The following LDB2 variants were observed in gnomAD, a reference collection of about 807,000 sequenced individuals.
LDB2 encodes LIM domain-binding protein 2.
In LDB2, 12 loss-of-function variants were observed where a neutral mutation model predicts 44.3. The observed-to-expected ratio is 0.27, with a 90% CI of 0.17 to 0.44. The LOEUF (loss-of-function observed/expected upper bound fraction) is 0.44. LDB2 is among the 20% of genes least tolerant of loss of function. LDB2 has a pLI of 1.00. For missense variants in LDB2, 344 were observed against 473.5 expected (o/e 0.73, Z 2.54); for synonymous variants, 164 against 174.8 (o/e 0.94, Z 0.49).
At chr4:16,521,731 A>G (rs999074644) in intron 5 of LDB2, among the ~76,000 whole-genome samples, 2 of 152,120 alleles carry the variant, frequency 1.3e-5, no homozygotes, top group Non-Finnish European at 2.9e-5. Context: ...AGGAGTGGCA[A>G]TTGCTAATCT....
intron 2 of LDB2, among the ~76,000 whole-genome samples, chr4:16,610,616 C>T (rs537700328): frequency 5.1e-4 from 78 of 151,724 alleles, no homozygotes; most frequent in African/African-American, 1.8e-3. Flanking sequence ...AGAATATCAG[C>T]TTGGAGACCA....
At chr4:16,591,343 C>A (rs1028138261) in intron 3 of LDB2, among the ~76,000 whole-genome samples, 3 of 152,028 alleles carry the variant, frequency 2.0e-5, no homozygotes, top group Admixed American at 2.0e-4. Flanking sequence ...GGTAACAGAG[C>A]GAGCTAGTTG....
intron 5 of LDB2, among the ~76,000 whole-genome samples, chr4:16,532,015 T>C (rs1730312915): frequency 6.6e-6 from 1 of 151,644 alleles, no homozygotes; most frequent in Admixed American, 6.6e-5. Context: ...TGAGGTTTCA[T>C]TCTAGCTTAG....
At chr4:16,510,814 G>A (rs73798797) in intron 6 of LDB2, among the ~76,000 whole-genome samples, 2,583 of 152,224 alleles carry the variant, frequency 0.017, 71 homozygotes, top group African/African-American at 0.056. Flanking sequence ...CTAGAACCAC[G>A]TCTGGAGCCT....
At chr4:16,539,622 T>A (rs1281871158) in intron 5 of LDB2, among the ~76,000 whole-genome samples, 1 of 152,176 alleles carries the variant, frequency 6.6e-6, no homozygotes, top group Non-Finnish European at 1.5e-5. Context: ...ATAGTTTAGC[T>A]TCCAAGTGAT....
chr4:16,851,775 A>G (rs1788306672), intron 1 of LDB2, among the ~76,000 whole-genome samples: 1 of 152,124 alleles, frequency 6.6e-6, no homozygotes, highest in Non-Finnish European at 1.5e-5. Flanking sequence ...AAGCGAAGAC[A>G]TACAGAGACA....
intron 1 of LDB2, among the ~76,000 whole-genome samples, chr4:16,837,947 A>G (rs1479653705): frequency 6.6e-6 from 1 of 152,260 alleles, no homozygotes; most frequent in African/African-American, 2.4e-5. Flanking sequence ...TGTAAAAAGT[A>G]TAAAACTTGT....
chr4:16,581,503 A>G (rs1246555086), intron 5 of LDB2: 1 of 853,236 alleles, frequency 1.2e-6, no homozygotes, highest in Non-Finnish European at 1.4e-6. Flanking sequence ...TTTTGTTGGT[A>G]CCTAAAACAA....
intron 2 of LDB2, among the ~76,000 whole-genome samples, chr4:16,726,761 G>A (rs1348622680): frequency 1.3e-5 from 2 of 152,170 alleles, no homozygotes; most frequent in Non-Finnish European, 2.9e-5. Context: ...TGGCTGCATA[G>A]GGGGTTTTTG....
intron 1 of LDB2, among the ~76,000 whole-genome samples, chr4:16,774,861 T>G (rs1771554043): frequency 6.6e-6 from 1 of 152,158 alleles, no homozygotes; most frequent in African/African-American, 2.4e-5. Context: ...GCTTCATTGT[T>G]CACTACAGCC....
At position 16,872,129 on chromosome 4, in the gene LDB2, T is replaced by A. The variant is rs528624222; in HGVS notation, c.132+26225A>T. Among the ~76,000 whole-genome samples, 6 of 152,170 alleles carry A rather than the reference T, an allele frequency of 3.9e-5. No individual in the cohort carries two copies. The South Asian group carries it at 1.2e-3, about 31-fold the overall frequency. On this transcript the variant is annotated intron_variant, in intron 1 of 7. Transcript: ENST00000304523. ...AACTTATAATAAGCGTATGTATGTA[T>A]ATACACGCTCTTTTTTTTTAAAGAC... is the stretch of plus-strand genomic sequence containing the variant.
At chr4:16,667,354 T>G (rs1400982340) in intron 2 of LDB2, among the ~76,000 whole-genome samples, 1 of 152,142 alleles carries the variant, frequency 6.6e-6, no homozygotes, top group East Asian at 1.9e-4. Flanking sequence ...ATTGTTTACC[T>G]GGAATGTTCT....
intron 2 of LDB2, among the ~76,000 whole-genome samples, chr4:16,739,830 C>T (rs571608361): frequency 1.4e-5 from 2 of 146,322 alleles, no homozygotes; most frequent in South Asian, 2.2e-4. Flanking sequence ...AAATTATAAT[C>T]GCAATATAAA....
chr4:16,840,580 G>T (rs1465044184), intron 1 of LDB2, among the ~76,000 whole-genome samples: 2 of 152,180 alleles, frequency 1.3e-5, no homozygotes, highest in African/African-American at 4.8e-5. Context: ...TCACTTGAGT[G>T]ACAGGACAGC....
In LDB2 at chr4:16,641,061, AG is replaced by A. The variant is rs556192710; in HGVS notation, c.236-45187del. Among the ~76,000 whole-genome samples, 36 of 152,342 alleles carry A rather than the reference AG, an allele frequency of 2.4e-4. No individual in the cohort carries two copies. The South Asian group carries it at 7.2e-3, about 31-fold the overall frequency. Reference sequence around the variant, plus strand: ...AAAACTATAAGGAAAAAAAGAACAAAGCCAAGGAGATGGACATAGATGGAAA... The same window carrying A: ...AAAACTATAAGGAAAAAAAGAACAAACCAAGGAGATGGACATAGATGGAAA... On this transcript the variant is annotated intron_variant, in intron 2 of 7. Coordinates refer to ENST00000304523, the MANE Select transcript of LDB2 (RefSeq NM_001290.5).
intron 2 of LDB2, among the ~76,000 whole-genome samples, chr4:16,596,395 AGTG>A (rs1302548504): frequency 2.5e-4 from 38 of 152,280 alleles, no homozygotes; most frequent in African/African-American, 7.7e-4. Context: ...ATCCCAAGAG[AGTG>A]CAGGACTGAG....
intron 1 of LDB2, among the ~76,000 whole-genome samples, chr4:16,843,495 T>C (rs1329341099): frequency 6.6e-6 from 1 of 152,244 alleles, no homozygotes; most frequent in Non-Finnish European, 1.5e-5. Flanking sequence ...AGTGTATACA[T>C]AGTTCATCAC....
chr4:16,814,374 A>G (rs1164714093), intron 1 of LDB2, among the ~76,000 whole-genome samples: 2 of 152,168 alleles, frequency 1.3e-5, no homozygotes, highest in Non-Finnish European at 2.9e-5. Flanking sequence ...GTGACTTTGA[A>G]TCTTGAATAG....
intron 1 of LDB2, among the ~76,000 whole-genome samples, chr4:16,868,508 C>T (rs17759997): frequency 0.1 from 15,302 of 152,172 alleles, 1,022 homozygotes; most frequent in Non-Finnish European, 0.14. Flanking sequence ...CAGACAGTCA[C>T]TCAGCACTGG....
Sources: gnomAD v4.1 joint callset for allele counts (sites outside exome capture counted in the v4.1 genomes callset) on GRCh38, gnomAD v4.1.1 for gene constraint, MANE v1.5 for transcripts, NCBI Gene and HGNC (gene_info 2026-07-23, HGNC 2026-07-21) for gene names.